Variants in ADAM32 observed in about 807,000 individuals in gnomAD.
The protein encoded by ADAM32 is disintegrin and metalloproteinase domain-containing protein 32.
ADAM32 carries 89 observed loss-of-function variants against 114.9 expected under a neutral mutation model. The ratio of observed to expected loss-of-function variants is 0.77; its 90% confidence interval spans 0.65 to 0.92. The LOEUF (loss-of-function observed/expected upper bound fraction) is 0.92, where lower values mean the gene tolerates loss of function less well. Ranked by LOEUF, ADAM32 falls within the 40% of genes least tolerant of loss-of-function variation. The pLI, the probability that ADAM32 is intolerant of heterozygous loss-of-function variation, is 0.00. For missense variants in ADAM32, 870 were observed against 932.8 expected (o/e 0.93, Z 0.88); for synonymous variants, 285 against 307.5 (o/e 0.93, Z 0.77).
At chr8:39,116,545 G>C (rs1840384766) in intron 1 of ADAM32, among the ~76,000 whole-genome samples, 1 of 152,036 alleles carries the variant, frequency 6.6e-6, no homozygotes, top group African/African-American at 2.4e-5. Context: ...CTTGGCTGTT[G>C]CTGGTGTATA....
At chr8:39,162,773 G>A (rs1804593525) in intron 7 of ADAM32, among the ~76,000 whole-genome samples, 1 of 152,170 alleles carries the variant, frequency 6.6e-6, no homozygotes, top group Admixed American at 6.5e-5. Flanking sequence ...AGCTGAGGTG[G>A]GTGGATCACC....
At position 39,281,979 on chromosome 8, in the gene ADAM32, A is replaced by G. The variant is rs184586972; in HGVS notation, c.2318+805A>G. On this transcript the variant is annotated intron_variant, in intron 23 of 24. Coordinates refer to ENST00000379907, the MANE Select transcript of ADAM32 (RefSeq NM_145004.7). ...AGGCACCCCATCCATTAGGAAAGCTACAGTATTTCTGTCTCCTTTATCCTT... is the reference window on the plus strand; with the variant it reads ...AGGCACCCCATCCATTAGGAAAGCTGCAGTATTTCTGTCTCCTTTATCCTT... Among the ~76,000 whole-genome samples, 6 of 152,324 alleles carry G rather than the reference A, an allele frequency of 3.9e-5. No homozygotes were observed. The South Asian group carries it at 8.3e-4, about 21-fold the overall frequency.
intron 11 of ADAM32, among the ~76,000 whole-genome samples, chr8:39,194,850 G>A (rs1336964541): frequency 6.6e-6 from 1 of 152,166 alleles, no homozygotes; most frequent in Non-Finnish European, 1.5e-5. Context: ...CGCTGGTCAT[G>A]CTCTACTACT....
chr8:39,161,101 A>G, intron 7 of ADAM32, 136 bp downstream of exon 7: 1 of 750,102 alleles, frequency 1.3e-6, no homozygotes, highest in Non-Finnish European at 2.1e-6. Flanking sequence ...AAAATGTGCA[A>G]ACTGAGAAAC....
chr8:39,183,274 C>T (rs1252080696), intron 10 of ADAM32, among the ~76,000 whole-genome samples: 1 of 152,138 alleles, frequency 6.6e-6, no homozygotes, highest in Non-Finnish European at 1.5e-5. Context: ...CTCCAACTGA[C>T]CCAGATGGCT....
intron 17 of ADAM32, among the ~76,000 whole-genome samples, chr8:39,252,969 T>C (rs1201408169): frequency 6.6e-6 from 1 of 151,730 alleles, no homozygotes; most frequent in Non-Finnish European, 1.5e-5. Context: ...AAATGAATTC[T>C]GTTAAACATT....
chr8:39,135,861 C>G (rs1287407415), intron 2 of ADAM32, among the ~76,000 whole-genome samples: 1 of 152,084 alleles, frequency 6.6e-6, no homozygotes, highest in Non-Finnish European at 1.5e-5. Context: ...TACATGATAT[C>G]AAGTTGAGTT....
intron 3 of ADAM32, among the ~76,000 whole-genome samples, chr8:39,140,056 A>C (rs770799375): frequency 1.2e-4 from 18 of 152,226 alleles, no homozygotes; most frequent in Admixed American, 4.6e-4. Context: ...GTTACTTATC[A>C]GCTTAAGGAG....
intron 2 of ADAM32, among the ~76,000 whole-genome samples, chr8:39,120,396 A>G (rs559003912): frequency 6.6e-6 from 1 of 152,268 alleles, no homozygotes; most frequent in Admixed American, 6.5e-5. Context: ...ACTTATAGAG[A>G]AAGCTTTTAT....
At chr8:39,158,536 G>A (rs1024292890) in intron 6 of ADAM32, 1 of 340,432 alleles carries the variant, frequency 2.9e-6, no homozygotes, top group Non-Finnish European at 5.7e-6. Flanking sequence ...CTTCCCACAC[G>A]ATGTGTCATG....
At chr8:39,155,423 T>G (rs1339628928) in intron 6 of ADAM32, among the ~76,000 whole-genome samples, 27 of 152,214 alleles carry the variant, frequency 1.8e-4, no homozygotes, top group Admixed American at 1.8e-3. Flanking sequence ...GCTCTACCTT[T>G]ATGTGACAAT....
At chr8:39,241,300 G>C (rs1810534186) in intron 16 of ADAM32, among the ~76,000 whole-genome samples, 1 of 152,214 alleles carries the variant, frequency 6.6e-6, no homozygotes, top group South Asian at 2.1e-4. Flanking sequence ...CAGGCAAACA[G>C]TGCAAGCTGT....
chr8:39,213,071 C>T (rs990855846), intron 12 of ADAM32, among the ~76,000 whole-genome samples: 55 of 152,196 alleles, frequency 3.6e-4, no homozygotes, highest in African/African-American at 1.3e-3. Flanking sequence ...TTCTGGGATA[C>T]AGTGCAGTTT....
chr8:39,258,033 T>A (rs1474080505), intron 19 of ADAM32, among the ~76,000 whole-genome samples: 1 of 152,112 alleles, frequency 6.6e-6, no homozygotes, highest in Non-Finnish European at 1.5e-5. Context: ...ATTATCCATA[T>A]CCCATAACCT....
intron 2 of ADAM32, among the ~76,000 whole-genome samples, chr8:39,132,198 G>A (rs541884154): frequency 3.9e-5 from 6 of 152,250 alleles, no homozygotes; most frequent in South Asian, 2.1e-4. Context: ...TGGCCCAATC[G>A]GAGGTTATTT....
At chr8:39,125,768 A>G (rs564048242) in intron 2 of ADAM32, among the ~76,000 whole-genome samples, 3 of 152,052 alleles carry the variant, frequency 2.0e-5, no homozygotes, top group Admixed American at 6.6e-5. Flanking sequence ...AATTGCCTAG[A>G]TTTTCTTACA....
At chr8:39,205,306 C>G (rs1179082109) in intron 11 of ADAM32, among the ~76,000 whole-genome samples, 1 of 152,226 alleles carries the variant, frequency 6.6e-6, no homozygotes, top group South Asian at 2.1e-4. Flanking sequence ...CTTTGTTTAC[C>G]TACTCAAGCC....
intron 12 of ADAM32, among the ~76,000 whole-genome samples, chr8:39,213,975 A>G (rs1171230455): frequency 6.6e-6 from 1 of 152,174 alleles, no homozygotes; most frequent in Non-Finnish European, 1.5e-5. Context: ...TTCACTTAAT[A>G]TAATGACCTC....
intron 20 of ADAM32, among the ~76,000 whole-genome samples, 192 bp from the exon 21 acceptor site, chr8:39,274,120 A>G (rs1812922089): frequency 6.6e-6 from 1 of 152,148 alleles, no homozygotes; most frequent in African/African-American, 2.4e-5. Context: ...CTTCTTGTGG[A>G]TGAGGTATAT....
Sources: allele counts gnomAD v4.1 joint callset (sites outside exome capture counted in the v4.1 genomes callset), GRCh38; gene constraint gnomAD v4.1.1; transcripts MANE v1.5; gene names NCBI Gene and HGNC (gene_info 2026-07-23, HGNC 2026-07-21).